ZDHHC14: variants seen among roughly 807,000 people sequenced by gnomAD.
ZDHHC14 encodes the protein zDHHC palmitoyltransferase 14.
A neutral mutation model predicts 47.7 loss-of-function variants in ZDHHC14; 16 were observed. That is an observed-to-expected ratio of 0.34 (90% CI 0.23 to 0.51). The LOEUF (loss-of-function observed/expected upper bound fraction) is 0.51. Among genes scored for constraint, ZDHHC14 ranks in the 20% least tolerant of loss-of-function variants. The pLI, the probability that ZDHHC14 is intolerant of heterozygous loss-of-function variation, is 0.97. For synonymous variants in ZDHHC14, 293 were observed against 278.9 expected (o/e 1.05, Z -0.50); for missense variants, 515 against 662.5 (o/e 0.78, Z 2.44).
intron 1 of ZDHHC14, among the ~76,000 whole-genome samples, chr6:157,383,064 G>T (rs558294478): frequency 2.7e-4 from 41 of 152,316 alleles, no homozygotes; most frequent in Non-Finnish European, 5.1e-4. Flanking sequence ...AAAAGCGCAT[G>T]CAAGTCTTCA....
chr6:157,408,873 A>G lies in ZDHHC14; in HGVS notation c.245+26607A>G, dbSNP rs540579105. 5.3e-5 allele frequency among the ~76,000 whole-genome samples: 8 copies of G among 152,266 alleles called. No homozygotes were observed. The East Asian group carries it at 1.5e-3, about 29-fold the overall frequency. On this transcript the variant is annotated intron_variant, in intron 1 of 8. Coordinates refer to ENST00000359775, the MANE Select transcript of ZDHHC14 (RefSeq NM_024630.3). ...TATTTCTGCTTCTAGATCTTTGAAG[A>G]ATTGCCACACTGTCTTCCTCCCTGC... is the stretch of plus-strand genomic sequence containing the variant.
intron 7 of ZDHHC14, among the ~76,000 whole-genome samples, chr6:157,649,664 G>A (rs1777728041): frequency 1.3e-5 from 2 of 152,266 alleles, no homozygotes; most frequent in South Asian, 4.1e-4. Flanking sequence ...AAATAAGGCA[G>A]AGAGAGTTCT....
At chr6:157,549,960 A>T (rs1386589783) in intron 2 of ZDHHC14, among the ~76,000 whole-genome samples, 1 of 152,226 alleles carries the variant, frequency 6.6e-6, no homozygotes, top group African/African-American at 2.4e-5. Context: ...ACTGATTGGC[A>T]TGGGGACTTA....
At chr6:157,431,200 C>T (rs1004474615) in intron 1 of ZDHHC14, among the ~76,000 whole-genome samples, 7 of 152,282 alleles carry the variant, frequency 4.6e-5, no homozygotes, top group Non-Finnish European at 1.0e-4. Flanking sequence ...GTGCCATCAC[C>T]GTCCCTATTT....
intron 1 of ZDHHC14, among the ~76,000 whole-genome samples, chr6:157,398,509 C>T (rs1003146453): frequency 2.0e-5 from 3 of 152,198 alleles, no homozygotes; most frequent in African/African-American, 4.8e-5. Context: ...CTGAATCTGA[C>T]ATCTAACTCA....
intron 1 of ZDHHC14, among the ~76,000 whole-genome samples, chr6:157,540,906 G>GTGTGTGTGTGTGTA (rs1781725588): frequency 2.4e-5 from 3 of 127,088 alleles, no homozygotes; most frequent in South Asian, 4.3e-4. Context: ...GTGTGTGTGT[G>GTGTGTGTGTGTGTA]TGTGTATATA....
At chr6:157,447,856 C>T (rs950846002) in intron 1 of ZDHHC14, among the ~76,000 whole-genome samples, 18 of 152,072 alleles carry the variant, frequency 1.2e-4, no homozygotes, top group African/African-American at 3.6e-4. Context: ...AAGCTCTTGT[C>T]AGCGGTGTTT....
chr6:157,462,402 C>T (rs748849813), intron 1 of ZDHHC14, among the ~76,000 whole-genome samples: 29 of 152,288 alleles, frequency 1.9e-4, no homozygotes, highest in African/African-American at 5.3e-4. Context: ...AAAGTTACCT[C>T]GAGCCATAAG....
chr6:157,409,904 C>T (rs1158535966), intron 1 of ZDHHC14, among the ~76,000 whole-genome samples: 1 of 152,082 alleles, frequency 6.6e-6, no homozygotes, highest in Non-Finnish European at 1.5e-5. Flanking sequence ...TCTCGGCTCA[C>T]TGCAACCTCT....
chr6:157,610,828 C>G (rs543959034), intron 3 of ZDHHC14, among the ~76,000 whole-genome samples: 1 of 152,214 alleles, frequency 6.6e-6, no homozygotes, highest in Non-Finnish European at 1.5e-5. Context: ...GCTTCTCTGC[C>G]TGGTATCAAG....
chr6:157,633,561 G>T (rs1018563143), intron 5 of ZDHHC14, among the ~76,000 whole-genome samples: 2 of 152,154 alleles, frequency 1.3e-5, no homozygotes, highest in Non-Finnish European at 2.9e-5. Context: ...GGGACCCCCT[G>T]ATCTGGCTCG....
At chr6:157,487,123 C>T (rs1239502220) in intron 1 of ZDHHC14, among the ~76,000 whole-genome samples, 1 of 152,368 alleles carries the variant, frequency 6.6e-6, no homozygotes, top group East Asian at 1.9e-4. Flanking sequence ...TCTGTCTCCC[C>T]ACGCTGTCCC....
chr6:157,438,292 T>C (rs1778485884), intron 1 of ZDHHC14, among the ~76,000 whole-genome samples: 1 of 152,208 alleles, frequency 6.6e-6, no homozygotes, highest in Non-Finnish European at 1.5e-5. Context: ...TTCTTGTAGA[T>C]TCTAGAAATA....
At chr6:157,479,298 G>A (rs1779564589) in intron 1 of ZDHHC14, among the ~76,000 whole-genome samples, 1 of 152,204 alleles carries the variant, frequency 6.6e-6, no homozygotes, top group African/African-American at 2.4e-5. Flanking sequence ...ACTGTGATTG[G>A]CACATCCTAA....
rs187554169 is a variant in ZDHHC14, at chr6:157,399,438, G to A, written c.245+17172G>A. On this transcript the variant is annotated intron_variant, in intron 1 of 8. Coordinates refer to ENST00000359775, the MANE Select transcript of ZDHHC14 (RefSeq NM_024630.3). ...TGTGCCTCATCTGTCATCTGTAGTT[G>A]TGTATATATGCCCTGTCTTCGGGCG... 5.3e-5 allele frequency among the ~76,000 whole-genome samples: 8 copies of A among 152,328 alleles called. No homozygotes were observed. The East Asian group carries it at 1.5e-3, about 29-fold the overall frequency.
At position 157,675,486 on chromosome 6, in the gene ZDHHC14, G is replaced by C. The variant is rs1778955474; in HGVS notation, c.*2364G>C. The C allele has an allele frequency of 6.6e-6, 1 of 152,240 alleles. No individual in the cohort carries two copies. Among genetic ancestry groups the C allele is most frequent in the African/African-American group, 2.4e-5 (1 of 41,456 alleles). The allele number at this position is 152,240 out of a possible 1,614,324, so 9.4% of individuals were successfully genotyped here. ...AGGGGACTGGGAATTTTGGTGAAGTGAATCAAGGCTATTCAGGGTCAAGAG... is the reference window on the plus strand; with the variant it reads ...AGGGGACTGGGAATTTTGGTGAAGTCAATCAAGGCTATTCAGGGTCAAGAG... On this transcript the variant is annotated 3_prime_UTR_variant, in exon 9 of 9. Coordinates refer to ENST00000359775, the MANE Select transcript of ZDHHC14 (RefSeq NM_024630.3).
chr6:157,617,299 T>C (rs1452854691), intron 3 of ZDHHC14, among the ~76,000 whole-genome samples: 1 of 152,226 alleles, frequency 6.6e-6, no homozygotes, highest in Non-Finnish European at 1.5e-5. Flanking sequence ...TGGCCTTATA[T>C]CTTAACAATA....
At chr6:157,435,177 G>T (rs1277995298) in intron 1 of ZDHHC14, among the ~76,000 whole-genome samples, 1 of 152,210 alleles carries the variant, frequency 6.6e-6, no homozygotes, top group Admixed American at 6.5e-5. Flanking sequence ...TTTACAGATG[G>T]GGAAACTGGG....
chr6:157,655,872 G>A (rs1425117900), intron 8 of ZDHHC14, among the ~76,000 whole-genome samples: 1 of 142,176 alleles, frequency 7.0e-6, no homozygotes, highest in Non-Finnish European at 1.6e-5. Flanking sequence ...GGTTCTGCAG[G>A]GTGCTGATCT....
Sources: gnomAD v4.1 joint callset for allele counts (sites outside exome capture counted in the v4.1 genomes callset) on GRCh38, gnomAD v4.1.1 for gene constraint, MANE v1.5 for transcripts, NCBI Gene and HGNC (gene_info 2026-07-23, HGNC 2026-07-21) for gene names.